The following ZMIZ1 variants were observed in gnomAD, a reference collection of about 807,000 sequenced individuals.
The protein encoded by ZMIZ1 is zinc finger MIZ-type containing 1.
In ZMIZ1, 17 loss-of-function variants were observed where a neutral mutation model predicts 113.9. The observed-to-expected ratio is 0.15, with a 90% CI of 0.10 to 0.22. ZMIZ1 has a LOEUF of 0.22. Ranked by LOEUF, ZMIZ1 falls within the 10% of genes least tolerant of loss-of-function variation. The pLI, the probability that ZMIZ1 is intolerant of heterozygous loss-of-function variation, is 1.00. For synonymous variants in ZMIZ1, 607 were observed against 603.1 expected, an observed-to-expected ratio of 1.01 and a Z score of -0.09; for missense variants, 1,059 against 1,477.8, an observed-to-expected ratio of 0.72 and a Z score of 4.65.
At chr10:79,141,131 AG>A (rs1845245138) in intron 3 of ZMIZ1, among the ~76,000 whole-genome samples, 1 of 152,162 alleles carries the variant, frequency 6.6e-6, no homozygotes, top group Non-Finnish European at 1.5e-5. Flanking sequence ...ATGACGACAC[AG>A]GGGACGAGGG....
intron 7 of ZMIZ1, among the ~76,000 whole-genome samples, chr10:79,246,516 C>T (rs1053000905): frequency 2.0e-5 from 3 of 152,180 alleles, no homozygotes; most frequent in African/African-American, 4.8e-5. Flanking sequence ...TCAGTGGGGC[C>T]TGTGGCTGGG....
chr10:79,289,783 C>T lies in ZMIZ1; in HGVS notation c.434C>T (p.Ser145Leu), dbSNP rs1419556773. 1.9e-6 allele frequency: 3 copies of T among 1,613,828 alleles called. No homozygotes were observed. Among genetic ancestry groups the T allele is most frequent in the South Asian group, 2.2e-5 (2 of 91,058 alleles). ...TCTGTCTCCCTCTGCAGTGATGGGT[C>T]GTTCCCCTATGACTCTGTCCCTTGG... ...MKPTLSHSDG[S>L]FPYDSVPWQQ... The change falls in exon 9 of 25, where the codon TCG (serine) becomes TTG (leucine). Residue 145 changes from serine (S) to leucine (L), a missense_variant. Ser to Leu is a moderately radical substitution (Grantham distance 145). Coordinates refer to ENST00000334512, the MANE Select transcript of ZMIZ1 (RefSeq NM_020338.4).
chr10:79,306,157 C>A lies in ZMIZ1; in HGVS notation c.2481C>A (p.Ile827=). Residue 827 remains isoleucine, a synonymous_variant, in exon 22 of 25, where the codon ATC becomes ATA. Transcript: ENST00000334512. ...CGTGCAGCTGGCGGCCGGTGCCCAT[C>A]AAGTCGGACTTACACATCAAGGACG... ...DPTCSWRPVP[I]KSDLHIKDDP... is the part of the protein sequence containing the mutation. 1 of 1,614,092 alleles carries A rather than the reference C, an allele frequency of 6.2e-7. No individual in the cohort carries two copies. The highest frequency in any genetic ancestry group is 1.3e-5 in the African/African-American group (1 of 75,056).
Position 79,272,690 on chromosome 10 carries a change from G to A in ZMIZ1, c.281-4491G>A, listed in dbSNP as rs564897619. 3.3e-5 allele frequency among the ~76,000 whole-genome samples: 5 copies of A among 152,386 alleles called. No homozygotes were observed. The South Asian group carries it at 8.3e-4, about 25-fold the overall frequency. On this transcript the variant is annotated intron_variant, in intron 7 of 24. Coordinates refer to ENST00000334512, the MANE Select transcript of ZMIZ1 (RefSeq NM_020338.4). ...GTGATAGAACACCTTGGTACTGTAG[G>A]TTAGAATGGATCGAGGTGAGGGAGT... is the stretch of plus-strand genomic sequence containing the variant.
chr10:79,294,947 G>GC (rs1456530681), intron 12 of ZMIZ1: 13 of 146,536 alleles, frequency 8.9e-5, no homozygotes, highest in South Asian at 7.0e-4. Context: ...GAGAGAGGGG[G>GC]GGGGGTCAGG....
chr10:79,073,853 T>A (rs1262193015), intron 1 of ZMIZ1, among the ~76,000 whole-genome samples: 1 of 151,924 alleles, frequency 6.6e-6, no homozygotes, highest in Non-Finnish European at 1.5e-5. Flanking sequence ...CCGGCATGGG[T>A]GCCACAGGTG....
chr10:79,081,998 G>A (rs1296029869), intron 1 of ZMIZ1, among the ~76,000 whole-genome samples: 1 of 152,252 alleles, frequency 6.6e-6, no homozygotes, highest in Non-Finnish European at 1.5e-5. Context: ...CCCTGGCAGA[G>A]CTGGAGCTAA....
intron 7 of ZMIZ1, among the ~76,000 whole-genome samples, chr10:79,229,468 G>A (rs1849311730): frequency 6.6e-6 from 1 of 152,168 alleles, no homozygotes; most frequent in Non-Finnish European, 1.5e-5. Flanking sequence ...GCCTGGGGCT[G>A]GACTCCTGTA....
At position 79,313,783 on chromosome 10, in the gene ZMIZ1, G is replaced by T. The variant is rs1378904135; in HGVS notation, c.*1034G>T. ...CTGTTTTTCTCCTAGTCCCTCTCCTGCCACCTCTCCAAGACTTCCGTGGGA... is the reference window on the plus strand; with the variant it reads ...CTGTTTTTCTCCTAGTCCCTCTCCTTCCACCTCTCCAAGACTTCCGTGGGA... On this transcript the variant is annotated 3_prime_UTR_variant, in exon 25 of 25. Transcript: ENST00000334512. 1.2e-5 allele frequency: 4 copies of T among 337,834 alleles called. No individual in the cohort carries two copies. The highest frequency in any genetic ancestry group is 2.4e-5 in the Non-Finnish European group (4 of 170,118). 20.9% of individuals were successfully genotyped at this position (337,834 alleles called of 1,614,324 possible).
intron 4 of ZMIZ1, among the ~76,000 whole-genome samples, chr10:79,189,924 C>T (rs1383259450): frequency 6.6e-6 from 1 of 152,186 alleles, no homozygotes; most frequent in Non-Finnish European, 1.5e-5. Context: ...AGCCTCACAC[C>T]CAGAGACTCC....
intron 1 of ZMIZ1, among the ~76,000 whole-genome samples, chr10:79,100,473 T>A: frequency 6.8e-6 from 1 of 146,582 alleles, no homozygotes; most frequent in African/African-American, 2.5e-5. Context: ...GGTGAGGTTA[T>A]CAGGCCTGGG....
chr10:79,282,496 G>T (rs1852801617), intron 8 of ZMIZ1, among the ~76,000 whole-genome samples: 1 of 152,318 alleles, frequency 6.6e-6, no homozygotes, highest in South Asian at 2.1e-4. Context: ...CGCCTGGAGG[G>T]TCCCTGGTGA....
At chr10:79,306,484 A>C in intron 22 of ZMIZ1, 140 bp downstream of exon 22, 1 of 1,413,236 alleles carries the variant, frequency 7.1e-7, no homozygotes, top group Non-Finnish European at 9.5e-7. Flanking sequence ...CCAAAAAACA[A>C]TTCCCAGTTT....
chr10:79,104,302 G>T (rs1350209529), intron 1 of ZMIZ1, among the ~76,000 whole-genome samples: 1 of 152,218 alleles, frequency 6.6e-6, no homozygotes, highest in Non-Finnish European at 1.5e-5. Flanking sequence ...CACCTTGCAG[G>T]ATCTTGGGGA....
intron 7 of ZMIZ1, among the ~76,000 whole-genome samples, chr10:79,246,244 C>T (rs536636162): frequency 1.3e-5 from 2 of 152,334 alleles, no homozygotes; most frequent in South Asian, 2.1e-4. Context: ...CCAGGGGGCA[C>T]GAGTGGGCAG....
chr10:79,268,923 ATTG>A (rs1403152187), intron 7 of ZMIZ1, among the ~76,000 whole-genome samples: 2 of 152,184 alleles, frequency 1.3e-5, no homozygotes, highest in Non-Finnish European at 2.9e-5. Context: ...AGGTGATTGG[ATTG>A]GAGCAGGCAA....
chr10:79,283,488 T>A (rs533521726), intron 8 of ZMIZ1, among the ~76,000 whole-genome samples: 1 of 152,302 alleles, frequency 6.6e-6, no homozygotes, highest in African/African-American at 2.4e-5. Flanking sequence ...ATCAAATTCT[T>A]AAGTGCTTAT....
intron 2 of ZMIZ1, among the ~76,000 whole-genome samples, chr10:79,129,121 C>T (rs960498040): frequency 6.6e-6 from 1 of 152,112 alleles, no homozygotes; most frequent in Non-Finnish European, 1.5e-5. Flanking sequence ...GATGCTGTGC[C>T]GGATGCTAAG....
intron 8 of ZMIZ1, among the ~76,000 whole-genome samples, chr10:79,280,537 C>G (rs551582619): frequency 6.6e-6 from 1 of 151,594 alleles, no homozygotes; most frequent in Non-Finnish European, 1.5e-5. Flanking sequence ...GGCCTCCCAA[C>G]GTGCTGGGAT....
Sources: allele counts gnomAD v4.1 joint callset (sites outside exome capture counted in the v4.1 genomes callset), GRCh38; gene constraint gnomAD v4.1.1; transcripts MANE v1.5; gene names NCBI Gene and HGNC (gene_info 2026-07-23, HGNC 2026-07-21).